SDK1: variants seen among roughly 807,000 people sequenced by gnomAD.
SDK1 encodes sidekick cell adhesion molecule 1, also known as protein sidekick-1.
In SDK1, 157 loss-of-function variants were observed where a neutral mutation model predicts 245.5. The observed-to-expected ratio is 0.64, with a 90% CI of 0.56 to 0.73. The LOEUF is 0.73. SDK1 is among the 30% of genes least tolerant of loss of function. The pLI is 0.00. For missense variants in SDK1, 3,583 were observed against 3,002.3 expected (o/e 1.19, Z -4.52); for synonymous variants, 1,647 against 1,278.5 (o/e 1.29, Z -6.15).
rs565879753 is a variant in SDK1 at position 3,505,376 on chromosome 7, C to A, written c.299-113704C>A. ...ATCCAATCCTCCTGCCTCTGCCTCC[C>A]AAGTAGCTAGGACTACAGGTGCATG... On this transcript the variant is annotated intron_variant, in intron 1 of 44. Transcript: ENST00000404826. Among the ~76,000 whole-genome samples, 3 of 152,150 alleles carry A rather than the reference C, an allele frequency of 2.0e-5. No individual in the cohort carries two copies. In the East Asian group the frequency reaches 5.8e-4, roughly 29 times the overall value.
chr7:3,849,091 T>C (rs1369157332), intron 5 of SDK1, among the ~76,000 whole-genome samples: 2 of 152,220 alleles, frequency 1.3e-5, no homozygotes, highest in Admixed American at 6.5e-5. Context: ...TTTCTCTGTT[T>C]AGAGTTTCCA....
chr7:3,982,963 G>A (rs572685231), intron 13 of SDK1, among the ~76,000 whole-genome samples: 114 of 152,254 alleles, frequency 7.5e-4, no homozygotes, highest in Non-Finnish European at 1.4e-3. Flanking sequence ...AGGCATCCAC[G>A]GAGGAAGTTG....
At chr7:3,762,261 G>C (rs1780128160) in intron 4 of SDK1, among the ~76,000 whole-genome samples, 1 of 152,164 alleles carries the variant, frequency 6.6e-6, no homozygotes, top group Non-Finnish European at 1.5e-5. Flanking sequence ...GACGTACTGG[G>C]TGTTCTGTGG....
chr7:3,452,293 T>C (rs972997733), intron 1 of SDK1, among the ~76,000 whole-genome samples: 7 of 152,196 alleles, frequency 4.6e-5, no homozygotes, highest in African/African-American at 1.7e-4. Context: ...GCTGGCTTTA[T>C]GTGTTGCCTT....
intron 1 of SDK1, among the ~76,000 whole-genome samples, chr7:3,412,573 G>C (rs999911919): frequency 6.6e-6 from 1 of 152,202 alleles, no homozygotes; most frequent in Non-Finnish European, 1.5e-5. Flanking sequence ...GTGCTGCAAA[G>C]TGAGCAGTCT....
chr7:3,827,963 A>C (rs1583455464), intron 5 of SDK1, among the ~76,000 whole-genome samples: 1 of 152,358 alleles, frequency 6.6e-6, no homozygotes, highest in Admixed American at 6.5e-5. Context: ...AGAACAAAGC[A>C]CGTCTGTCCT....
intron 14 of SDK1, among the ~76,000 whole-genome samples, chr7:3,988,135 T>G (rs866789691): frequency 1.2e-5 from 1 of 86,540 alleles, no homozygotes; most frequent in African/African-American, 5.1e-5. Context: ...TTTTAATGTT[T>G]TTTTTTTTTT....
At chr7:3,803,295 T>TC (rs756894172) in intron 4 of SDK1, among the ~76,000 whole-genome samples, 1 of 149,142 alleles carries the variant, frequency 6.7e-6, no homozygotes, top group South Asian at 2.1e-4. Flanking sequence ...TTTTCTTTTC[T>TC]TTTCTTTCTT....
At chr7:3,735,051 A>G (rs967750393) in intron 4 of SDK1, among the ~76,000 whole-genome samples, 3 of 152,134 alleles carry the variant, frequency 2.0e-5, no homozygotes, top group Non-Finnish European at 4.4e-5. Context: ...CTAGTGGAGA[A>G]TGTATAATTT....
intron 4 of SDK1, among the ~76,000 whole-genome samples, chr7:3,779,821 A>C (rs1393382736): frequency 6.6e-6 from 1 of 151,348 alleles, no homozygotes; most frequent in African/African-American, 2.4e-5. Context: ...AGTCCCAGCT[A>C]CTCGGGAGGC....
intron 44 of SDK1, among the ~76,000 whole-genome samples, chr7:4,249,038 T>C (rs1446077071): frequency 7.0e-6 from 1 of 143,330 alleles, no homozygotes; most frequent in Non-Finnish European, 1.5e-5. Flanking sequence ...CCTGCACATA[T>C]GCATATACAC....
At chr7:3,649,395 C>T (rs991582172) in intron 4 of SDK1, among the ~76,000 whole-genome samples, 2 of 151,974 alleles carry the variant, frequency 1.3e-5, no homozygotes, top group South Asian at 2.1e-4. Context: ...CAAGAGAGTT[C>T]GTGGGCCCCT....
At chr7:4,255,984 A>T (rs1406115327) in intron 44 of SDK1, among the ~76,000 whole-genome samples, 1 of 130,736 alleles carries the variant, frequency 7.6e-6, no homozygotes, top group Non-Finnish European at 1.5e-5. Context: ...CAGTGGTGCG[A>T]TCTCAGCTCA....
At chr7:3,707,654 G>T (rs1416922785) in intron 4 of SDK1, among the ~76,000 whole-genome samples, 2 of 152,002 alleles carry the variant, frequency 1.3e-5, no homozygotes, top group Non-Finnish European at 2.9e-5. Context: ...GGAGCTGAAG[G>T]CCCCCCCTAT....
intron 2 of SDK1, among the ~76,000 whole-genome samples, chr7:3,623,440 C>A (rs1782008074): frequency 6.6e-6 from 1 of 151,846 alleles, no homozygotes; most frequent in Admixed American, 6.6e-5. Context: ...GGGGTTTCAC[C>A]ATGATGGCCA....
At chr7:4,086,162 C>T (rs73671529) in intron 22 of SDK1, among the ~76,000 whole-genome samples, 6,227 of 152,158 alleles carry the variant, frequency 0.041, 409 homozygotes, top group African/African-American at 0.14. Context: ...TCCTGAATAC[C>T]CCTGGGCATC....
intron 4 of SDK1, among the ~76,000 whole-genome samples, chr7:3,727,609 G>C (rs1376424144): frequency 6.6e-6 from 1 of 152,056 alleles, no homozygotes; most frequent in Non-Finnish European, 1.5e-5. Context: ...TCCAGCCTCA[G>C]CCTCCTGAGT....
intron 1 of SDK1, among the ~76,000 whole-genome samples, chr7:3,458,065 A>G (rs1429970583): frequency 6.6e-6 from 1 of 151,814 alleles, no homozygotes; most frequent in Non-Finnish European, 1.5e-5. Flanking sequence ...TGACACTTGG[A>G]TTCTTTTTTG....
intron 1 of SDK1, among the ~76,000 whole-genome samples, chr7:3,462,691 C>T (rs892382090): frequency 2.0e-5 from 3 of 152,048 alleles, no homozygotes; most frequent in Non-Finnish European, 2.9e-5. Flanking sequence ...ACATTAACTC[C>T]ACTTATCACC....
Sources: gnomAD v4.1 joint callset for allele counts (sites outside exome capture counted in the v4.1 genomes callset) on GRCh38, gnomAD v4.1.1 for gene constraint, MANE v1.5 for transcripts, NCBI Gene and HGNC (gene_info 2026-07-23, HGNC 2026-07-21) for gene names.